RNF111: variants seen among roughly 807,000 people sequenced by gnomAD.
The protein encoded by RNF111 is ring finger protein 111, also known as E3 ubiquitin-protein ligase Arkadia.
RNF111 carries 17 observed loss-of-function variants against 95.1 expected under a neutral mutation model. The ratio of observed to expected loss-of-function variants is 0.18; its 90% CI spans 0.12 to 0.27. The LOEUF (loss-of-function observed/expected upper bound fraction) is 0.27, where lower values mean the gene tolerates loss of function less well. Ranked by LOEUF, RNF111 falls within the 10% of genes least tolerant of loss-of-function variation. The pLI is 1.00. For missense variants in RNF111, 1,189 were observed against 1,210.4 expected, an observed-to-expected ratio of 0.98 and a Z score of 0.26; for synonymous variants, 440 against 414.8, an observed-to-expected ratio of 1.06 and a Z score of -0.74.
chr15:59,027,708 T>C (rs1271773671), intron 1 of RNF111, among the ~76,000 whole-genome samples: 1 of 151,536 alleles, frequency 6.6e-6, no homozygotes, highest in African/African-American at 2.4e-5. Context: ...TTTGTATTTT[T>C]AGTAAGACAG....
chr15:58,991,204 G>A (rs1374427836), intron 1 of RNF111, among the ~76,000 whole-genome samples: 2 of 151,982 alleles, frequency 1.3e-5, no homozygotes, highest in East Asian at 3.9e-4. Flanking sequence ...AGAGGGTAAG[G>A]CAGAATTGCT....
At chr15:59,059,793 G>A (rs2042357266) in intron 5 of RNF111, among the ~76,000 whole-genome samples, 1 of 152,166 alleles carries the variant, frequency 6.6e-6, no homozygotes, top group South Asian at 2.1e-4. Flanking sequence ...TAATGGTACA[G>A]AGATAGGAAC....
At chr15:59,058,014 T>C (rs2042268041) in intron 4 of RNF111, among the ~76,000 whole-genome samples, 1 of 152,238 alleles carries the variant, frequency 6.6e-6, no homozygotes. Flanking sequence ...TGACCATGTG[T>C]ACGTGCATAG....
chr15:59,055,866 T>C (rs2042180635), intron 4 of RNF111, 21 bp downstream of exon 4: 3 of 1,564,048 alleles, frequency 1.9e-6, no homozygotes, highest in Non-Finnish European at 2.6e-6. Flanking sequence ...GTAGTAACAG[T>C]AGAAAATTAT....
chr15:59,078,928 GT>G (rs1294411271), intron 7 of RNF111, among the ~76,000 whole-genome samples: 1 of 151,964 alleles, frequency 6.6e-6, no homozygotes, highest in Non-Finnish European at 1.5e-5. Context: ...AAAGCAAATG[GT>G]CTACACTGTA....
chr15:59,096,567 T>C lies in RNF111; in HGVS notation c.*1667T>C, dbSNP rs189215505. On this transcript the variant is annotated 3_prime_UTR_variant, in exon 14 of 14. Transcript: ENST00000348370. Reference sequence around the variant, plus strand: ...ATTCAGTTATGACTACTTGCCCTTTTCTTCATATTAGTAAATGTTACACTG... The same window carrying C: ...ATTCAGTTATGACTACTTGCCCTTTCCTTCATATTAGTAAATGTTACACTG... 2.7e-3 allele frequency: 419 copies of C among 152,892 alleles called. 2 individuals are homozygous for C. The highest frequency in any genetic ancestry group is 3.5e-3 in the Non-Finnish European group (240 of 68,166). The allele number at this position is 152,892 out of a possible 1,614,324, so 9.5% of individuals were successfully genotyped here. A position where few individuals can be genotyped will look rare whatever the true frequency, so the allele number is the denominator to read the frequency against.
chr15:59,030,321 TTAA>T (rs1306658367), intron 1 of RNF111, among the ~76,000 whole-genome samples: 12 of 152,286 alleles, frequency 7.9e-5, no homozygotes, highest in African/African-American at 2.9e-4. Flanking sequence ...TAGCTCATTA[TTAA>T]TAATATCAAT....
At chr15:59,064,493 G>A (rs939473995) in intron 5 of RNF111, among the ~76,000 whole-genome samples, 17 of 136,260 alleles carry the variant, frequency 1.2e-4, no homozygotes, top group African/African-American at 3.5e-4. Flanking sequence ...TGGAGATTGC[G>A]CCACTGCACT....
In RNF111 at chr15:58,996,921, C is replaced by T. The variant is rs938595893; in HGVS notation, c.-20+8853C>T. ...CTCTCCTAATCTCCTAGTTGTACTG[C>T]TTAAACAGAAACATTTTAGCTCTCA... On this transcript the variant is annotated intron_variant, in intron 1 of 13. Coordinates refer to ENST00000348370, the MANE Select transcript of RNF111 (RefSeq NM_017610.8). Among the ~76,000 whole-genome samples, 6 of 152,146 alleles carry T rather than the reference C, an allele frequency of 3.9e-5. No individual in the cohort carries two copies. In the South Asian group the frequency reaches 8.3e-4, roughly 21 times the overall value.
intron 5 of RNF111, among the ~76,000 whole-genome samples, chr15:59,062,955 A>G (rs1289854127): frequency 1.3e-5 from 2 of 152,098 alleles, no homozygotes; most frequent in African/African-American, 2.4e-5. Context: ...CTCCCTTCCA[A>G]TTGTAACAAC....
At position 59,081,084 on chromosome 15, in the gene RNF111, T is replaced by C; in HGVS notation, c.2097T>C (p.His699=). ...VHAFHSQISS[H]ATSHPVAPPP... ...CTTTCCATTCTCAAATATCTTCTCA[T>C]GCAACATCTCATCCTGTGGCACCCC... The change falls in exon 8 of 14, where the codon CAT becomes CAC. Residue 699 remains histidine, a synonymous_variant. Coordinates refer to ENST00000348370, the MANE Select transcript of RNF111 (RefSeq NM_017610.8). The C allele has an allele frequency of 1.2e-6, 2 of 1,614,136 alleles. No homozygotes were observed. Among genetic ancestry groups the C allele is most frequent in the Non-Finnish European group, 1.7e-6 (2 of 1,180,016 alleles).
At chr15:58,992,454 G>A (rs1408099428) in intron 1 of RNF111, among the ~76,000 whole-genome samples, 1 of 152,212 alleles carries the variant, frequency 6.6e-6, no homozygotes, top group Non-Finnish European at 1.5e-5. Flanking sequence ...GGGTTGGGGT[G>A]ATGGGTACAT....
intron 1 of RNF111, among the ~76,000 whole-genome samples, chr15:59,030,287 T>C (rs1324030361): frequency 6.6e-6 from 1 of 152,004 alleles, no homozygotes; most frequent in Non-Finnish European, 1.5e-5. Flanking sequence ...GGAAAAAAAA[T>C]AGAAAAGAGA....
rs199835400 is a variant in RNF111 at position 59,031,071 on chromosome 15, A to G, written c.249A>G (p.Gln83=). The G allele has an allele frequency of 1.2e-6, 2 of 1,614,290 alleles. No individual in the cohort carries two copies. Among genetic ancestry groups the G allele is most frequent in the African/African-American group, 2.7e-5 (2 of 75,080 alleles). The stretch of plus-strand genomic sequence containing the variant: ...AGAAGGAAATGAATGGTAACCAGCA[A>G]GAACAAGAAAAAAGTCTCGTTGTGA... The part of the protein sequence containing the change: ...KQEKEMNGNQ[Q]EQEKSLVVRK... The change falls in exon 2 of 14, where the codon CAA becomes CAG. Residue 83 remains glutamine (Q), a synonymous_variant. Coordinates refer to ENST00000348370, the MANE Select transcript of RNF111 (RefSeq NM_017610.8).
At chr15:59,091,425 A>G (rs1302222394) in intron 12 of RNF111, among the ~76,000 whole-genome samples, 1 of 152,112 alleles carries the variant, frequency 6.6e-6, no homozygotes, top group Non-Finnish European at 1.5e-5. Flanking sequence ...GTGCATATGT[A>G]TATATATTTT....
rs148379601 is a variant in RNF111, at chr15:59,016,316, C to T, written c.-19-14488C>T. Among the ~76,000 whole-genome samples, 1,483 of 151,960 alleles carry T rather than the reference C, an allele frequency of 9.8e-3. 25 individuals carry two copies. Among genetic ancestry groups the T allele is most frequent in the African/African-American group, 0.034 (1,395 of 41,428 alleles). On this transcript the variant is annotated intron_variant, in intron 1 of 13. Coordinates refer to ENST00000348370, the MANE Select transcript of RNF111 (RefSeq NM_017610.8). Reference sequence around the variant, plus strand: ...ACTCGAGTAGCTGGGACTACAGGCACGCACCACCACGCCCAGCTGATTTCT... The same window carrying T: ...ACTCGAGTAGCTGGGACTACAGGCATGCACCACCACGCCCAGCTGATTTCT...
At chr15:59,070,496 G>A (rs2042869574) in intron 6 of RNF111, among the ~76,000 whole-genome samples, 1 of 151,786 alleles carries the variant, frequency 6.6e-6, no homozygotes, top group Non-Finnish European at 1.5e-5. Flanking sequence ...GTAGGGAAAG[G>A]ATTTGAACCA....
At chr15:59,074,947 T>C (rs2043104357) in intron 6 of RNF111, among the ~76,000 whole-genome samples, 1 of 152,208 alleles carries the variant, frequency 6.6e-6, no homozygotes, top group Non-Finnish European at 1.5e-5. Context: ...TCTCAGGGAA[T>C]AGGGAGGCCC....
At chr15:59,024,393 T>G (rs574332977) in intron 1 of RNF111, among the ~76,000 whole-genome samples, 2 of 152,330 alleles carry the variant, frequency 1.3e-5, no homozygotes, top group African/African-American at 4.8e-5. Context: ...CTAGATGAGA[T>G]TCCTGCTTCC....
Sources: gnomAD v4.1 joint callset for allele counts (sites outside exome capture counted in the v4.1 genomes callset) on GRCh38, gnomAD v4.1.1 for gene constraint, MANE v1.5 for transcripts, NCBI Gene and HGNC (gene_info 2026-07-23, HGNC 2026-07-21) for gene names.